AUNIP: variants seen among roughly 807,000 people sequenced by gnomAD.
The protein encoded by AUNIP is aurora kinase A and ninein interacting protein, also known as aurora kinase A- and ninein-interacting protein.
A neutral mutation model predicts 12.2 loss-of-function variants in AUNIP; 16 were observed. The observed-to-expected ratio is 1.31, with a 90% CI of 0.88 to 1.99. The LOEUF (loss-of-function observed/expected upper bound fraction) is 1.99, where lower values mean the gene tolerates loss of function less well. AUNIP is among the 30% of genes most tolerant of loss of function. The probability of loss-of-function intolerance (pLI) is 0.00; values close to 1 mark genes in which losing one functional copy is unlikely to be tolerated. For missense variants in AUNIP, 411 were observed against 419.1 expected, an observed-to-expected ratio of 0.98 and a Z score of 0.17; for synonymous variants, 142 against 154.8, an observed-to-expected ratio of 0.92 and a Z score of 0.61.
chr1:25,842,413 G>A (rs547903881), intron 1 of AUNIP, among the ~76,000 whole-genome samples: 1 of 152,344 alleles, frequency 6.6e-6, no homozygotes, highest in African/African-American at 2.4e-5. Context: ...GCAGAGGCTG[G>A]TTCATGAGGT....
At chr1:25,846,495 G>A (rs1361841115) in intron 1 of AUNIP, among the ~76,000 whole-genome samples, 3 of 149,914 alleles carry the variant, frequency 2.0e-5, no homozygotes, top group Admixed American at 6.6e-5. Context: ...AAGCCAAGGC[G>A]AGCAGATCAC....
At position 25,837,492 on chromosome 1, in the gene AUNIP, A is replaced by G. The variant is rs751549871; in HGVS notation, c.141T>C (p.Asn47=). ...GAGCTCTTCTTTGAGTAAAATAAAT[A>G]TTAGCCTTTCTTTCTCCAGGAAGGA... ...LTLLPGERKA[N]IYFTQRRAPS... The change falls in exon 2 of 3, where the codon AAT becomes AAC. Residue 47 remains asparagine (N), a synonymous_variant. Transcript: ENST00000374298. 6.2e-7 allele frequency: 1 copy of G among 1,613,980 alleles called. No individual in the cohort carries two copies. The highest frequency in any genetic ancestry group is 8.5e-7 in the Non-Finnish European group (1 of 1,179,836).
chr1:25,840,418 T>C (rs893409021), intron 1 of AUNIP, among the ~76,000 whole-genome samples: 3 of 152,044 alleles, frequency 2.0e-5, no homozygotes, highest in African/African-American at 7.2e-5. Context: ...AAAAACAATG[T>C]GGAGGGGGAC....
rs1360983729 is a variant in AUNIP, at chr1:25,847,476, G to T, written c.79-9922C>A. 6.6e-6 allele frequency among the ~76,000 whole-genome samples: 1 copy of T among 151,938 alleles called. No individual in the cohort carries two copies. The highest frequency in any genetic ancestry group is 1.5e-5 in the Non-Finnish European group (1 of 67,980). On this transcript the variant is annotated intron_variant, in intron 1 of 2. Transcript: ENST00000374298. The surrounding 1 kb of genome is among the most constrained non-coding windows in gnomAD (Gnocchi z 4.2). ...GATGAGGTTTTACCATGTTGGCCAG[G>T]CTGGTCTTAAACTCCTGACCTCAAG... is the stretch of plus-strand genomic sequence containing the variant.
chr1:25,848,483 CAAAAAAAAAAA>C (rs761716480), intron 1 of AUNIP, among the ~76,000 whole-genome samples: 6 of 62,472 alleles, frequency 9.6e-5, no homozygotes, highest in African/African-American at 1.1e-4. Context: ...AACTCCGTCT[CAAAAAAAAAAA>C]AAAAAAAAAA....
downstream of AUNIP, among the ~76,000 whole-genome samples, chr1:25,833,421 C>T (rs2048271420): frequency 6.6e-6 from 1 of 152,132 alleles, no homozygotes. Flanking sequence ...AAGCCCCATA[C>T]ATTCTTAAAA....
At chr1:25,854,289 T>G (rs577666532) in intron 1 of AUNIP, among the ~76,000 whole-genome samples, 1 of 152,248 alleles carries the variant, frequency 6.6e-6, no homozygotes, top group South Asian at 2.1e-4. Context: ...AGAATGAAGC[T>G]CCACCTCTTG....
At chr1:25,854,241 T>C (rs2048443441) in intron 1 of AUNIP, among the ~76,000 whole-genome samples, 1 of 152,054 alleles carries the variant, frequency 6.6e-6, no homozygotes, top group Non-Finnish European at 1.5e-5. Context: ...AATAAATAAA[T>C]AGCAAGTTAC....
intron 1 of AUNIP, among the ~76,000 whole-genome samples, chr1:25,851,801 A>G (rs745528992): frequency 3.5e-4 from 53 of 152,222 alleles, no homozygotes; most frequent in Non-Finnish European, 5.6e-4. Context: ...CAGTGGCACA[A>G]TCTCGGCTCA....
In AUNIP at chr1:25,838,443, C is replaced by T. The variant is rs191374689; in HGVS notation, c.79-889G>A. 6.9e-4 allele frequency among the ~76,000 whole-genome samples: 105 copies of T among 151,298 alleles called. 1 individual carries two copies. In the Middle Eastern group the frequency reaches 0.017, roughly 25 times the overall value. On this transcript the variant is annotated intron_variant, in intron 1 of 2. Transcript: ENST00000374298. ...GCTTTAACCAGGGAGGCGGAGGTTGCAATGAGCCGAGATTGTGCCACTGCA... is the reference window on the plus strand; with the variant it reads ...GCTTTAACCAGGGAGGCGGAGGTTGTAATGAGCCGAGATTGTGCCACTGCA...
chr1:25,849,198 T>G (rs2048408518), intron 1 of AUNIP, among the ~76,000 whole-genome samples: 1 of 152,234 alleles, frequency 6.6e-6, no homozygotes, highest in African/African-American at 2.4e-5. Flanking sequence ...AATCTGGCCC[T>G]TCATTTAAGG....
downstream of AUNIP, chr1:25,832,365 C>A (rs2048256734): frequency 1.7e-6 from 1 of 589,416 alleles, no homozygotes. Context: ...TGCATTAGAC[C>A]CTATAGCTGG....
At chr1:25,834,000 A>T, downstream of AUNIP, 3 of 979,630 alleles carry the variant, frequency 3.1e-6, no homozygotes, top group African/African-American at 1.7e-5. Flanking sequence ...CAATTATCAC[A>T]AGAGCCACTT....
chr1:25,846,613 C>T (rs1258456824), intron 1 of AUNIP, among the ~76,000 whole-genome samples: 1 of 152,068 alleles, frequency 6.6e-6, no homozygotes, highest in Non-Finnish European at 1.5e-5. Flanking sequence ...ATCCAAGCTA[C>T]TCAGGAGGCT....
downstream of AUNIP, chr1:25,832,220 T>C: frequency 6.7e-7 from 1 of 1,491,686 alleles, no homozygotes; most frequent in Non-Finnish European, 9.0e-7. Flanking sequence ...AAGCTAAGGC[T>C]TGTGATTTGA....
downstream of AUNIP, chr1:25,831,940 G>C (rs1412482854): frequency 1.2e-6 from 2 of 1,614,080 alleles, no homozygotes; most frequent in Non-Finnish European, 1.7e-6. Flanking sequence ...TTTATTGAAG[G>C]AGGAAGACCC....
At chr1:25,853,434 T>C in intron 1 of AUNIP, among the ~76,000 whole-genome samples, 1 of 151,964 alleles carries the variant, frequency 6.6e-6, no homozygotes, top group Non-Finnish European at 1.5e-5. Flanking sequence ...TCATCTCTAC[T>C]AAAAATACCA....
intron 1 of AUNIP, among the ~76,000 whole-genome samples, chr1:25,853,210 T>C (rs1174532108): frequency 1.3e-5 from 2 of 152,224 alleles, no homozygotes; most frequent in African/African-American, 2.4e-5. Flanking sequence ...GTATTAAAGT[T>C]TCCAAATATT....
At chr1:25,848,098 T>C (rs2048397012) in intron 1 of AUNIP, among the ~76,000 whole-genome samples, 1 of 150,314 alleles carries the variant, frequency 6.7e-6, no homozygotes, top group Non-Finnish European at 1.5e-5. Flanking sequence ...AAATAACCAC[T>C]AATGGGTTAA....
Sources: gnomAD v4.1 joint callset for allele counts (sites outside exome capture counted in the v4.1 genomes callset) on GRCh38, gnomAD v4.1.1 for gene constraint, Gnocchi (gnomAD v3.1) non-coding constraint, MANE v1.5 for transcripts, NCBI Gene and HGNC (gene_info 2026-07-23, HGNC 2026-07-21) for gene names.